KIF16B: variants seen among roughly 807,000 people sequenced by gnomAD.
KIF16B encodes kinesin family member 16B.
A neutral mutation model predicts 156.3 loss-of-function variants in KIF16B; 98 were observed. That is an observed-to-expected ratio of 0.63 (90% CI 0.53 to 0.74). The LOEUF (loss-of-function observed/expected upper bound fraction) is 0.74. KIF16B is among the 30% of genes least tolerant of loss of function. The probability of loss-of-function intolerance (pLI) is 0.00; values close to 1 mark genes in which losing one functional copy is unlikely to be tolerated. For synonymous variants in KIF16B, 564 were observed against 583.7 expected, an observed-to-expected ratio of 0.97 and a Z score of 0.49; for missense variants, 1,421 against 1,606.5, an observed-to-expected ratio of 0.88 and a Z score of 1.97.
chr20:16,367,108 C>T lies in KIF16B; in HGVS notation c.3498+3478G>A. On this transcript the variant is annotated intron_variant, in intron 22 of 25. Transcript: ENST00000354981. The stretch of plus-strand genomic sequence containing the variant: ...TCACAATGCTTATTTTATTAATGAT[C>T]TCAAAAAACATGTAGTGCATCTTTA... The T allele has an allele frequency of 2.6e-6, 4 of 1,510,050 alleles. No individual in the cohort carries two copies. The South Asian group carries it at 4.1e-5, about 16-fold the overall frequency. 93.5% of individuals were successfully genotyped at this position (1,510,050 alleles called of 1,614,324 possible).
In KIF16B at chr20:16,539,756, C is replaced by T. The variant is rs145909867; in HGVS notation, c.48-11316G>A. On this transcript the variant is annotated intron_variant, in intron 1 of 25. Transcript: ENST00000354981. ...TTTCTTTATTGCAATGGAAGAACAG[C>T]CTAACATACCTATGTTAATTCAAAT... 4.1e-3 allele frequency among the ~76,000 whole-genome samples: 622 copies of T among 152,306 alleles called. 5 individuals are homozygous for T. Among genetic ancestry groups the T allele is most frequent in the African/African-American group, 0.014 (596 of 41,572 alleles).
intron 15 of KIF16B, among the ~76,000 whole-genome samples, chr20:16,421,862 T>C (rs1308488191): frequency 6.6e-5 from 10 of 152,076 alleles, no homozygotes. Flanking sequence ...CTCAAGCCCA[T>C]CAGATCTGAA....
chr20:16,540,214 T>G (rs557159697), intron 1 of KIF16B, among the ~76,000 whole-genome samples: 1 of 152,138 alleles, frequency 6.6e-6, no homozygotes, highest in Non-Finnish European at 1.5e-5. Context: ...CAAAATAATA[T>G]GCGCGTCTAT....
chr20:16,387,842 G>A (rs907913463), intron 17 of KIF16B, among the ~76,000 whole-genome samples: 4 of 152,084 alleles, frequency 2.6e-5, no homozygotes, highest in Non-Finnish European at 4.4e-5. Flanking sequence ...CTCCTCAGGC[G>A]AAGCCTTCAC....
chr20:16,297,513 G>A (rs966459025), intron 25 of KIF16B, among the ~76,000 whole-genome samples: 3 of 151,966 alleles, frequency 2.0e-5, no homozygotes, highest in Admixed American at 6.6e-5. Context: ...TGGCTAACAC[G>A]GTGAAACCCT....
intron 3 of KIF16B, among the ~76,000 whole-genome samples, chr20:16,518,034 G>A (rs1049268661): frequency 5.3e-5 from 8 of 152,200 alleles, no homozygotes; most frequent in South Asian, 4.1e-4. Context: ...TAACCCAGGC[G>A]GTTTTCCGGT....
At chr20:16,395,881 AT>A (rs958480069) in intron 17 of KIF16B, among the ~76,000 whole-genome samples, 1 of 152,192 alleles carries the variant, frequency 6.6e-6, no homozygotes, top group Non-Finnish European at 1.5e-5. Flanking sequence ...AGTCTCATCT[AT>A]CAGTGGGAAT....
chr20:16,562,668 T>G (rs2147371793), intron 1 of KIF16B, among the ~76,000 whole-genome samples: 1 of 152,332 alleles, frequency 6.6e-6, no homozygotes, highest in Middle Eastern at 3.4e-3. Context: ...GAACAAGATC[T>G]ACACGGTGAC....
intron 1 of KIF16B, among the ~76,000 whole-genome samples, chr20:16,558,897 C>CAAAAAAAAAAAAAAAAA (rs11478258): frequency 1.6e-5 from 1 of 62,062 alleles, no homozygotes. Flanking sequence ...GAGCAAGACT[C>CAAAAAAAAAAAAAAAAA]AAAAAAAAAA....
intron 1 of KIF16B, among the ~76,000 whole-genome samples, chr20:16,566,801 T>G (rs1304811050): frequency 6.6e-6 from 1 of 152,256 alleles, no homozygotes; most frequent in Non-Finnish European, 1.5e-5. Flanking sequence ...GTTGAGCATT[T>G]GAAATGTGCC....
chr20:16,342,401 T>C (rs978036409), intron 23 of KIF16B, among the ~76,000 whole-genome samples: 1 of 152,148 alleles, frequency 6.6e-6, no homozygotes, highest in Non-Finnish European at 1.5e-5. Context: ...GCCAGTAGTT[T>C]TCTGAGAGAC....
At chr20:16,528,079 C>T (rs998011198) in intron 2 of KIF16B, among the ~76,000 whole-genome samples, 3 of 152,128 alleles carry the variant, frequency 2.0e-5, no homozygotes, top group African/African-American at 4.8e-5. Flanking sequence ...GTCCCTACTA[C>T]GAGGACACAG....
At chr20:16,428,776 T>C (rs1568971030) in intron 14 of KIF16B, among the ~76,000 whole-genome samples, 177 bp downstream of exon 14, 1 of 152,162 alleles carries the variant, frequency 6.6e-6, no homozygotes, top group Non-Finnish European at 1.5e-5. Flanking sequence ...TTGAGTTGTA[T>C]TCTAAATTAC....
At chr20:16,410,845 G>A (rs1055584209) in intron 15 of KIF16B, among the ~76,000 whole-genome samples, 8 of 152,048 alleles carry the variant, frequency 5.3e-5, no homozygotes, top group African/African-American at 1.7e-4. Flanking sequence ...TTACATTTAC[G>A]CATGCCTGCT....
chr20:16,560,509 T>G (rs1482763539), intron 1 of KIF16B, among the ~76,000 whole-genome samples: 1 of 152,208 alleles, frequency 6.6e-6, no homozygotes, highest in East Asian at 1.9e-4. Flanking sequence ...CCTACACTCT[T>G]AAAAGTTTAA....
At chr20:16,293,192 G>A (rs1423743900) in intron 25 of KIF16B, among the ~76,000 whole-genome samples, 1 of 152,172 alleles carries the variant, frequency 6.6e-6, no homozygotes, top group Non-Finnish European at 1.5e-5. Context: ...GAAATCGATA[G>A]AACCCATGGG....
At chr20:16,528,881 C>T (rs55654433) in intron 1 of KIF16B, among the ~76,000 whole-genome samples, 2,620 of 152,256 alleles carry the variant, frequency 0.017, 38 homozygotes, top group Non-Finnish European at 0.027. Flanking sequence ...GGCACTGTTC[C>T]CTCCTCCTAC....
chr20:16,328,924 T>A (rs2063902000), intron 24 of KIF16B, among the ~76,000 whole-genome samples: 1 of 152,110 alleles, frequency 6.6e-6, no homozygotes, highest in Non-Finnish European at 1.5e-5. Context: ...TAGGTTAAAT[T>A]TCAACACAAT....
chr20:16,374,347 T>A lies in KIF16B; in HGVS notation c.3260A>T (p.Asp1087Val), dbSNP rs1196488356. ...CTTCCCTTCCAGGGTCCCATGATGATCTTTTTGAACACCATCGACCTCATA... is the reference window on the plus strand; with the variant it reads ...CTTCCCTTCCAGGGTCCCATGATGAACTTTTTGAACACCATCGACCTCATA... ...KIYEVDGVQK[D>V]HHGTLEGKVA... Residue 1087 changes from aspartate (D) to valine (V), a missense_variant, in exon 20 of 26, where the codon GAT becomes GTT. Transcript: ENST00000354981. 1.9e-6 allele frequency: 3 copies of A among 1,606,860 alleles called. No individual in the cohort carries two copies. Among genetic ancestry groups the A allele is most frequent in the Non-Finnish European group, 1.7e-6 (2 of 1,175,660 alleles).
Sources: allele counts gnomAD v4.1 joint callset (sites outside exome capture counted in the v4.1 genomes callset), GRCh38; gene constraint gnomAD v4.1.1; transcripts MANE v1.5; gene names NCBI Gene and HGNC (gene_info 2026-07-23, HGNC 2026-07-21).